Variants in GPC5 observed in about 807,000 individuals in gnomAD.
The protein encoded by GPC5 is glypican 5.
In GPC5, 47 loss-of-function variants were observed where a neutral mutation model predicts 53.9. The observed-to-expected ratio is 0.87, with a 90% CI of 0.69 to 1.11. The LOEUF is 1.11. Among genes scored for constraint, GPC5 ranks in the 50% most tolerant of loss-of-function variants. GPC5 has a pLI of 0.00. For missense variants in GPC5, 748 were observed against 713.1 expected, an observed-to-expected ratio of 1.05 and a Z score of -0.56; for synonymous variants, 286 against 263.3, an observed-to-expected ratio of 1.09 and a Z score of -0.84.
chr13:92,510,540 A>G (rs115708563), intron 7 of GPC5, among the ~76,000 whole-genome samples: 1 of 152,284 alleles, frequency 6.6e-6, no homozygotes, highest in South Asian at 2.1e-4. Context: ...TTCAATTGCA[A>G]TGTTGACTAT....
rs548935190 is a variant in GPC5 at position 92,497,745 on chromosome 13, T to G, written c.1561+352756T>G. On this transcript the variant is annotated intron_variant, in intron 7 of 7. Transcript: ENST00000377067. ...ATTCTTCCTATCCATGAGGATAGAA[T>G]GTTTTTCCATTTGTCTGTGTCCTCT... Among the ~76,000 whole-genome samples, 4 of 152,294 alleles carry G rather than the reference T, an allele frequency of 2.6e-5. No homozygotes were observed. In the East Asian group the frequency reaches 5.8e-4, roughly 22 times the overall value.
Position 92,191,774 on chromosome 13 carries a change from ACT to A in GPC5, c.1561+46788_1561+46789del, listed in dbSNP as rs1337282856. Among the ~76,000 whole-genome samples the A allele has an allele frequency of 4.6e-5, 7 of 152,246 alleles. No individual in the cohort carries two copies. The South Asian group carries it at 1.2e-3, about 27-fold the overall frequency. On this transcript the variant is annotated intron_variant, in intron 7 of 7. Coordinates refer to ENST00000377067, the MANE Select transcript of GPC5 (RefSeq NM_004466.6). ...TGAAGCCAGTCTGGAAAGGCTCAAG[ACT>A]CTGTAATTCTAACTAAAAATGCTCC...
At chr13:91,586,470 AGAAGGG>A (rs1418159095) in intron 2 of GPC5, among the ~76,000 whole-genome samples, 8 of 118,896 alleles carry the variant, frequency 6.7e-5, no homozygotes, top group Non-Finnish European at 1.4e-4. Context: ...CAATCATGGC[AGAAGGG>A]GAAGGGGAAT....
At chr13:92,057,553 T>C (rs1266138269) in intron 6 of GPC5, among the ~76,000 whole-genome samples, 1 of 150,244 alleles carries the variant, frequency 6.7e-6, no homozygotes, top group Non-Finnish European at 1.5e-5. Flanking sequence ...TCTTGCTTTT[T>C]TGTGATGCAT....
At chr13:91,760,577 G>T (rs2037389192) in intron 5 of GPC5, among the ~76,000 whole-genome samples, 1 of 152,082 alleles carries the variant, frequency 6.6e-6, no homozygotes. Flanking sequence ...TCAAATTGGT[G>T]GCCAAGATTA....
At chr13:92,312,613 G>C (rs766547418) in intron 7 of GPC5, among the ~76,000 whole-genome samples, 1 of 152,046 alleles carries the variant, frequency 6.6e-6, no homozygotes, top group Non-Finnish European at 1.5e-5. Flanking sequence ...AATCCATCAA[G>C]TCTTCCTCTC....
intron 5 of GPC5, among the ~76,000 whole-genome samples, chr13:91,898,943 A>C (rs924462819): frequency 9.9e-5 from 15 of 152,206 alleles, no homozygotes; most frequent in African/African-American, 3.6e-4. Flanking sequence ...ATTTATAATA[A>C]ATTTGGACAA....
At chr13:91,841,872 T>C (rs1283507588) in intron 5 of GPC5, among the ~76,000 whole-genome samples, 2 of 152,304 alleles carry the variant, frequency 1.3e-5, no homozygotes, top group Middle Eastern at 6.8e-3. Flanking sequence ...TGTGTCAAGA[T>C]GTACTGTGTT....
At chr13:92,378,026 C>T (rs576623627) in intron 7 of GPC5, among the ~76,000 whole-genome samples, 16 of 152,144 alleles carry the variant, frequency 1.1e-4, no homozygotes, top group African/African-American at 3.1e-4. Flanking sequence ...TTTCTCTTTA[C>T]CATATCTTTT....
chr13:92,601,945 G>A (rs975503379), intron 7 of GPC5, among the ~76,000 whole-genome samples: 5 of 151,212 alleles, frequency 3.3e-5, no homozygotes, highest in African/African-American at 1.2e-4. Flanking sequence ...TACTACTATT[G>A]TACTGAAGCC....
intron 7 of GPC5, among the ~76,000 whole-genome samples, chr13:92,491,560 G>C (rs758681142): frequency 6.6e-6 from 1 of 152,030 alleles, no homozygotes; most frequent in Non-Finnish European, 1.5e-5. Context: ...ATTTGGTCAG[G>C]AGATTTTTGT....
At chr13:91,603,103 A>T (rs1037373274) in intron 2 of GPC5, among the ~76,000 whole-genome samples, 1 of 152,212 alleles carries the variant, frequency 6.6e-6, no homozygotes, top group African/African-American at 2.4e-5. Context: ...ACTTTATTAC[A>T]ATGTGAATAT....
intron 7 of GPC5, among the ~76,000 whole-genome samples, chr13:92,628,260 C>CTTTTTTTTTTTT (rs1286424637): frequency 1.6e-4 from 6 of 37,544 alleles, no homozygotes; most frequent in African/African-American, 4.9e-4. Flanking sequence ...TTTTCTTTTT[C>CTTTTTTTTTTTT]TTTCTTTTTT....
chr13:91,889,817 G>C (rs187736193), intron 5 of GPC5, among the ~76,000 whole-genome samples: 1 of 152,102 alleles, frequency 6.6e-6, no homozygotes, highest in Non-Finnish European at 1.5e-5. Flanking sequence ...CAGTCAAGAA[G>C]GAAGTTACAA....
chr13:92,409,062 C>A (rs1465713477), intron 7 of GPC5, among the ~76,000 whole-genome samples: 1 of 151,818 alleles, frequency 6.6e-6, no homozygotes. Flanking sequence ...TTAATAAACC[C>A]TTTCCTTATA....
At chr13:92,244,823 A>C (rs1327635995) in intron 7 of GPC5, among the ~76,000 whole-genome samples, 1 of 152,022 alleles carries the variant, frequency 6.6e-6, no homozygotes, top group East Asian at 1.9e-4. Flanking sequence ...GTGGATCACG[A>C]GGTCAAAGGA....
intron 7 of GPC5, among the ~76,000 whole-genome samples, chr13:92,260,562 C>T (rs907822015): frequency 1.3e-5 from 2 of 152,120 alleles, no homozygotes; most frequent in East Asian, 1.9e-4. Context: ...GTTTTCACCC[C>T]CACTGCACCC....
rs1881851448 is a variant in GPC5, at chr13:92,539,419, A to T, written c.1562-326863A>T. Among the ~76,000 whole-genome samples, 4 of 152,132 alleles carry T rather than the reference A, an allele frequency of 2.6e-5. No individual in the cohort carries two copies. The South Asian group carries it at 8.3e-4, about 32-fold the overall frequency. Reference sequence around the variant, plus strand: ...TTTGATTCGCATTTCTCTGATGACCAGTGATGATGAGCATTTTTTCATATG... The same window carrying T: ...TTTGATTCGCATTTCTCTGATGACCTGTGATGATGAGCATTTTTTCATATG... On this transcript the variant is annotated intron_variant, in intron 7 of 7. Coordinates refer to ENST00000377067, the MANE Select transcript of GPC5 (RefSeq NM_004466.6).
intron 6 of GPC5, among the ~76,000 whole-genome samples, chr13:92,094,252 C>T (rs1484621413): frequency 6.6e-6 from 1 of 152,156 alleles, no homozygotes; most frequent in Middle Eastern, 3.4e-3. Flanking sequence ...CACGGTGGCT[C>T]ACGCCTGTTT....
Sources: allele counts gnomAD v4.1 joint callset (sites outside exome capture counted in the v4.1 genomes callset), GRCh38; gene constraint gnomAD v4.1.1; transcripts MANE v1.5; gene names NCBI Gene and HGNC (gene_info 2026-07-23, HGNC 2026-07-21).